Variants in TMPRSS15 observed in about 807,000 individuals in gnomAD.
TMPRSS15 encodes transmembrane serine protease 15.
TMPRSS15 carries 128 observed loss-of-function variants against 125.3 expected under a neutral mutation model. The observed-to-expected ratio is 1.02, with a 90% CI of 0.89 to 1.18. TMPRSS15 has a LOEUF of 1.18. TMPRSS15 is among the 50% of genes most tolerant of loss of function. The probability of loss-of-function intolerance (pLI) is 0.00; values close to 1 mark genes in which losing one functional copy is unlikely to be tolerated. For synonymous variants in TMPRSS15, 446 were observed against 423.2 expected (o/e 1.05, Z -0.66); for missense variants, 1,283 against 1,212.7 (o/e 1.06, Z -0.86).
At chr21:18,380,663 T>C in intron 4 of TMPRSS15, 2 of 448,702 alleles carry the variant, frequency 4.5e-6, no homozygotes, top group South Asian at 1.6e-5. Context: ...ACCTTGAATA[T>C]TCATTCAAAG....
At chr21:18,278,924 GTTTT>G (rs59972471) in intron 23 of TMPRSS15, 36 bp downstream of exon 23, 1,132 of 438,420 alleles carry the variant, frequency 2.6e-3, no homozygotes, top group African/African-American at 3.3e-3. Flanking sequence ...CACCAGTAAG[GTTTT>G]TTTTTTTTTT....
rs912828899 is a variant in TMPRSS15, at chr21:18,379,385, T to C, written c.497-67A>G. The stretch of plus-strand genomic sequence containing the variant: ...AACTAATTACCAGGAATTTATTGTA[T>C]ATTCATTCTGTATAATAATTAACCT... On this transcript the variant is annotated intron_variant, in intron 4 of 24. Transcript: ENST00000284885. 44 of 703,290 alleles carry C rather than the reference T, an allele frequency of 6.3e-5. 1 individual carries two copies. Among genetic ancestry groups the C allele is most frequent in the Admixed American group, 1.1e-4 (3 of 27,890 alleles). 43.6% of individuals were successfully genotyped at this position (703,290 alleles called of 1,614,324 possible).
intron 3 of TMPRSS15, among the ~76,000 whole-genome samples, chr21:18,387,556 C>CCCAAATAGA (rs2075954479): frequency 6.6e-6 from 1 of 151,530 alleles, no homozygotes; most frequent in Non-Finnish European, 1.5e-5. Context: ...GAAAGTATTC[C>CCCAAATAGA]CCAAATAGAC....
In TMPRSS15 at chr21:18,269,982, C is replaced by CTT; in HGVS notation, c.3045_3046dup (p.Ser1016LysfsTer36). The CTT allele has an allele frequency of 1.2e-6, 2 of 1,613,780 alleles. No individual in the cohort carries two copies. The highest frequency in any genetic ancestry group is 1.7e-6 in the Non-Finnish European group (2 of 1,179,818). Reference sequence around the variant, plus strand: ...TTAAGAAATGCGCTAATGTAGAAAACTTTGTATCCATTCGGTAAACCTTGA... The same window carrying CTT: ...TTAAGAAATGCGCTAATGTAGAAAACTTTTTGTATCCATTCGGTAAACCTTGA... On this transcript the variant is annotated frameshift_variant, in exon 25 of 25. Transcript: ENST00000284885. LOFTEE classifies it high-confidence loss of function.
intron 1 of TMPRSS15, among the ~76,000 whole-genome samples, chr21:18,447,305 T>A (rs993535502): frequency 6.6e-6 from 1 of 151,162 alleles, no homozygotes; most frequent in Non-Finnish European, 1.5e-5. Context: ...CCAGGCGTGG[T>A]GGTGGGTGCC....
chr21:18,395,298 G>T (rs1324603070), intron 3 of TMPRSS15, among the ~76,000 whole-genome samples: 1 of 152,164 alleles, frequency 6.6e-6, no homozygotes, highest in Non-Finnish European at 1.5e-5. Flanking sequence ...ATAAAAATTA[G>T]TAGTAGAGGA....
Position 18,294,709 on chromosome 21 carries a change from A to G in TMPRSS15, c.2262-57T>C, listed in dbSNP as rs1032328586. ...TTATGCATTTAATATTTTCAAGTCA[A>G]ACATCATATAGGTTATCCTACTTTT... is the stretch of plus-strand genomic sequence containing the variant. On this transcript the variant is annotated intron_variant, in intron 19 of 24. Coordinates refer to ENST00000284885, the MANE Select transcript of TMPRSS15 (RefSeq NM_002772.3). 1.0e-5 allele frequency: 15 copies of G among 1,441,120 alleles called. No individual in the cohort carries two copies. The African/African-American group carries it at 2.0e-4, about 19-fold the overall frequency. 89.3% of individuals were successfully genotyped at this position (1,441,120 alleles called of 1,614,324 possible).
chr21:18,424,869 GAATT>G (rs67697186), intron 1 of TMPRSS15, among the ~76,000 whole-genome samples: 7,605 of 149,622 alleles, frequency 0.051, 320 homozygotes, highest in African/African-American at 0.11. Flanking sequence ...CATTAAATGA[GAATT>G]AAGAGAATAT....
At chr21:18,324,252 G>T (rs2075268011) in intron 16 of TMPRSS15, among the ~76,000 whole-genome samples, 1 of 151,894 alleles carries the variant, frequency 6.6e-6, no homozygotes, top group Non-Finnish European at 1.5e-5. Flanking sequence ...AATTTGGTTT[G>T]GTGTTTTTTC....
intron 16 of TMPRSS15, among the ~76,000 whole-genome samples, chr21:18,318,761 C>T (rs61242017): frequency 0.34 from 51,235 of 151,946 alleles, 8,809 homozygotes; most frequent in East Asian, 0.56. Flanking sequence ...GACAAATGAA[C>T]CTTTTGTTTT....
intron 21 of TMPRSS15, among the ~76,000 whole-genome samples, chr21:18,290,024 C>T (rs2074814766): frequency 1.3e-5 from 2 of 152,180 alleles, no homozygotes; most frequent in South Asian, 4.1e-4. Flanking sequence ...GATGCGTGTG[C>T]TTTATGCAGT....
In TMPRSS15 at chr21:18,370,642, T is replaced by A. The variant is rs568551104; in HGVS notation, c.664+1551A>T. The stretch of plus-strand genomic sequence containing the variant: ...TAAAAATATTCCGCAGCCTGCACTT[T>A]CTTCCAATATGTTCTGAGTGTACTT... On this transcript the variant is annotated intron_variant, in intron 6 of 24. Transcript: ENST00000284885. 2.6e-5 allele frequency among the ~76,000 whole-genome samples: 4 copies of A among 152,290 alleles called. No individual in the cohort carries two copies. The South Asian group carries it at 8.3e-4, about 32-fold the overall frequency.
chr21:18,283,905 T>A (rs148349292), intron 21 of TMPRSS15, among the ~76,000 whole-genome samples: 68 of 152,298 alleles, frequency 4.5e-4, no homozygotes, highest in East Asian at 2.9e-3. Context: ...TTAGTAATCA[T>A]CACTTCCTTT....
intron 13 of TMPRSS15, among the ~76,000 whole-genome samples, chr21:18,335,542 G>A (rs150173307): frequency 1.4e-4 from 22 of 152,228 alleles, no homozygotes; most frequent in African/African-American, 4.8e-4. Flanking sequence ...TTAGGATTTC[G>A]CCACTAAACA....
intron 18 of TMPRSS15, among the ~76,000 whole-genome samples, chr21:18,305,483 C>T (rs183606723): frequency 4.6e-5 from 7 of 152,276 alleles, no homozygotes; most frequent in South Asian, 2.1e-4. Context: ...CCACCACGCC[C>T]GGCCCCTTGA....
intron 1 of TMPRSS15, among the ~76,000 whole-genome samples, chr21:18,482,411 T>C (rs1447521059): frequency 6.6e-6 from 1 of 151,558 alleles, no homozygotes; most frequent in Non-Finnish European, 1.5e-5. Context: ...ATATTATATA[T>C]TTTAAAGTTG....
chr21:18,340,504 T>C (rs548336383), intron 13 of TMPRSS15, among the ~76,000 whole-genome samples: 30 of 152,186 alleles, frequency 2.0e-4, no homozygotes, highest in Non-Finnish European at 3.8e-4. Context: ...CTTGTGATCA[T>C]GTGAGTCAAT....
chr21:18,481,764 T>C (rs1197830078), intron 1 of TMPRSS15, among the ~76,000 whole-genome samples: 1 of 151,706 alleles, frequency 6.6e-6, no homozygotes, highest in Non-Finnish European at 1.5e-5. Flanking sequence ...TCCTAATCTT[T>C]GCATAGCAAT....
At chr21:18,465,418 A>G (rs1978640133) in intron 1 of TMPRSS15, among the ~76,000 whole-genome samples, 1 of 152,198 alleles carries the variant, frequency 6.6e-6, no homozygotes, top group African/African-American at 2.4e-5. Context: ...CAGGGAAATC[A>G]GGCAAGAGAA....
Sources: allele counts gnomAD v4.1 joint callset (sites outside exome capture counted in the v4.1 genomes callset), GRCh38; gene constraint gnomAD v4.1.1; transcripts MANE v1.5; gene names NCBI Gene and HGNC (gene_info 2026-07-23, HGNC 2026-07-21).